TRPC7: variants seen among roughly 807,000 people sequenced by gnomAD.
TRPC7 encodes the protein short transient receptor potential channel 7.
A neutral mutation model predicts 90.1 loss-of-function variants in TRPC7; 42 were observed. The ratio of observed to expected loss-of-function variants is 0.47; its 90% CI spans 0.36 to 0.60. The LOEUF (loss-of-function observed/expected upper bound fraction) is 0.60. Among genes scored for constraint, TRPC7 ranks in the 20% least tolerant of loss-of-function variants. The pLI is 0.00. For missense variants in TRPC7, 955 were observed against 1,112.3 expected (o/e 0.86, Z 2.01); for synonymous variants, 451 against 436.3 (o/e 1.03, Z -0.42).
chr5:136,263,728 G>A (rs1450589611), intron 5 of TRPC7, among the ~76,000 whole-genome samples: 2 of 152,124 alleles, frequency 1.3e-5, no homozygotes, highest in South Asian at 2.1e-4. Context: ...CGACTGTGAA[G>A]CACAGAAAGA....
intron 3 of TRPC7, among the ~76,000 whole-genome samples, chr5:136,313,377 GTCTATCTA>G (rs79202938): frequency 8.3e-5 from 10 of 120,574 alleles, no homozygotes; most frequent in Admixed American, 3.5e-4. Flanking sequence ...GGAGATGTCT[GTCTATCTA>G]TCTATCTATC....
chr5:136,300,351 G>A (rs775316521), intron 3 of TRPC7, among the ~76,000 whole-genome samples: 3 of 152,188 alleles, frequency 2.0e-5, no homozygotes, highest in Non-Finnish European at 4.4e-5. Context: ...GCTCATGTGT[G>A]GTGGGAGTAC....
intron 3 of TRPC7, among the ~76,000 whole-genome samples, chr5:136,293,018 A>G (rs148090790): frequency 1.4e-3 from 218 of 152,372 alleles, no homozygotes; most frequent in Non-Finnish European, 2.6e-3. Context: ...GTAATCCAGC[A>G]TATAAACAGA....
At chr5:136,245,989 C>T (rs181493527) in intron 7 of TRPC7, among the ~76,000 whole-genome samples, 1 of 152,258 alleles carries the variant, frequency 6.6e-6, no homozygotes, top group African/African-American at 2.4e-5. Flanking sequence ...CGATGGCTGG[C>T]CCTCCAGGAG....
At chr5:136,333,317 C>G (rs149428022) in intron 2 of TRPC7, among the ~76,000 whole-genome samples, 1 of 152,038 alleles carries the variant, frequency 6.6e-6, no homozygotes, top group Non-Finnish European at 1.5e-5. Context: ...ACAGGGCATT[C>G]CAAGCTGAGG....
chr5:136,313,273 TTTC>T (rs1431998373), intron 3 of TRPC7, among the ~76,000 whole-genome samples: 2 of 152,212 alleles, frequency 1.3e-5, no homozygotes, highest in African/African-American at 4.8e-5. Flanking sequence ...ACCAACTTGT[TTTC>T]TTAAGTCGCT....
rs1755137729 is a variant in TRPC7 at position 136,212,872 on chromosome 5, CAGTTTTCAATT to C, written c.*552_*562del. Reference sequence around the variant, plus strand: ...TTTCTAAACAGTGCTACCTACAGTACAGTTTTCAATTTAGGATTTTTAAACTTTTTTTTTAT... The same window carrying C: ...TTTCTAAACAGTGCTACCTACAGTACTAGGATTTTTAAACTTTTTTTTTAT... On this transcript the variant is annotated 3_prime_UTR_variant, in exon 12 of 12. Coordinates refer to ENST00000513104, the MANE Select transcript of TRPC7 (RefSeq NM_020389.3). 1.3e-5 allele frequency among the ~76,000 whole-genome samples: 2 copies of C among 152,210 alleles called. No individual in the cohort carries two copies. The highest frequency in any genetic ancestry group is 4.8e-5 in the African/African-American group (2 of 41,440).
chr5:136,264,739 C>T (rs1188371799), intron 5 of TRPC7, among the ~76,000 whole-genome samples: 2 of 152,066 alleles, frequency 1.3e-5, no homozygotes, highest in Non-Finnish European at 2.9e-5. Flanking sequence ...ATTACAGGCG[C>T]ACACCACCAT....
chr5:136,242,413 T>G (rs1295741206), intron 7 of TRPC7, among the ~76,000 whole-genome samples: 1 of 152,130 alleles, frequency 6.6e-6, no homozygotes, highest in Non-Finnish European at 1.5e-5. Flanking sequence ...GACACAGAAG[T>G]GGCTATGAAA....
rs1280093501 is a variant in TRPC7, at chr5:136,266,527, A to C, written c.1129-91T>G. On this transcript the variant is annotated intron_variant, in intron 4 of 11. Coordinates refer to ENST00000513104, the MANE Select transcript of TRPC7 (RefSeq NM_020389.3). Reference sequence around the variant, plus strand: ...ACATCGCTTTCACCAAAGTTTAACCAGAGAATCCTTCATCTTGGACAGAAA... The same window carrying C: ...ACATCGCTTTCACCAAAGTTTAACCCGAGAATCCTTCATCTTGGACAGAAA... The C allele has an allele frequency of 4.3e-6, 5 of 1,158,404 alleles. No homozygotes were observed. In the African/African-American group the frequency reaches 7.8e-5, roughly 18 times the overall value. The allele number at this position is 1,158,404 out of a possible 1,614,324, so 71.8% of individuals were successfully genotyped here. A position where few individuals can be genotyped will look rare whatever the true frequency, so the allele number is the denominator to read the frequency against.
chr5:136,333,629 G>C (rs1322708240), intron 2 of TRPC7, among the ~76,000 whole-genome samples: 1 of 152,136 alleles, frequency 6.6e-6, no homozygotes, highest in African/African-American at 2.4e-5. Flanking sequence ...CAGAAGGATA[G>C]GTAGAATCTG....
At chr5:136,288,192 G>A (rs544111345) in intron 3 of TRPC7, among the ~76,000 whole-genome samples, 57 of 151,974 alleles carry the variant, frequency 3.8e-4, no homozygotes, top group Non-Finnish European at 6.2e-4. Context: ...ACCCAGACAC[G>A]CCTACTTCAG....
At chr5:136,296,055 C>T (rs111378918) in intron 3 of TRPC7, among the ~76,000 whole-genome samples, 1 of 152,040 alleles carries the variant, frequency 6.6e-6, no homozygotes, top group Non-Finnish European at 1.5e-5. Flanking sequence ...AAGAATCATA[C>T]AAGTTGACAT....
intron 2 of TRPC7, among the ~76,000 whole-genome samples, chr5:136,332,342 C>A (rs967208714): frequency 1.3e-5 from 2 of 152,116 alleles, no homozygotes. Context: ...AGAGCCCCGA[C>A]AGGCACCTGC....
At chr5:136,318,184 T>C (rs1759088185) in intron 2 of TRPC7, among the ~76,000 whole-genome samples, 1 of 152,146 alleles carries the variant, frequency 6.6e-6, no homozygotes. Context: ...TTATAAGTCA[T>C]TGAGCCAAAC....
Position 136,266,375 on chromosome 5 carries a change from A to G in TRPC7, c.1190T>C (p.Ile397Thr), listed in dbSNP as rs1757032013. The G allele has an allele frequency of 1.2e-6, 2 of 1,613,782 alleles. No homozygotes were observed. Among genetic ancestry groups the G allele is most frequent in the African/African-American group, 2.7e-5 (2 of 74,924 alleles). ...KFVAHAVSFT[I>T]FLGLLVVNAS... is the part of the protein sequence containing the mutation. ...ATTCACAACTAATAATCCCAAGAAGATTGTAAAAGAAACTGCATGAGCTAC... is the reference window on the plus strand; with the variant it reads ...ATTCACAACTAATAATCCCAAGAAGGTTGTAAAAGAAACTGCATGAGCTAC... The change falls in exon 5 of 12, where the codon ATC becomes ACC. Residue 397 changes from isoleucine (I) to threonine (T), a missense_variant. Physicochemically the swap from Ile to Thr is moderately conservative, Grantham distance 89 (BLOSUM62 -1). Coordinates refer to ENST00000513104, the MANE Select transcript of TRPC7 (RefSeq NM_020389.3).
At chr5:136,269,487 A>G (rs1233282720) in intron 4 of TRPC7, among the ~76,000 whole-genome samples, 2 of 152,218 alleles carry the variant, frequency 1.3e-5, no homozygotes, top group African/African-American at 4.8e-5. Context: ...GAGTCCCCAC[A>G]TCCCAGAAAT....
At chr5:136,284,057 A>G (rs1757632608) in intron 3 of TRPC7, among the ~76,000 whole-genome samples, 1 of 152,218 alleles carries the variant, frequency 6.6e-6, no homozygotes, top group Admixed American at 6.5e-5. Context: ...CAGTTTGGAC[A>G]ACTTCAATTG....
intron 3 of TRPC7, among the ~76,000 whole-genome samples, chr5:136,279,073 T>A (rs1309295213): frequency 6.6e-6 from 1 of 152,144 alleles, no homozygotes; most frequent in Non-Finnish European, 1.5e-5. Flanking sequence ...TTCCCACGGA[T>A]ATTCAATATC....
Sources: gnomAD v4.1 joint callset for allele counts (sites outside exome capture counted in the v4.1 genomes callset) on GRCh38, gnomAD v4.1.1 for gene constraint, MANE v1.5 for transcripts, NCBI Gene and HGNC (gene_info 2026-07-23, HGNC 2026-07-21) for gene names.